Variants in NHSL1 observed in about 807,000 individuals in gnomAD.
The protein encoded by NHSL1 is NHS-like protein 1.
Under a neutral mutation model 95.0 loss-of-function variants are expected in NHSL1, and 48 were observed. The ratio of observed to expected loss-of-function variants is 0.51; its 90% CI spans 0.40 to 0.64. NHSL1 has a LOEUF of 0.64. Ranked by LOEUF, NHSL1 falls within the 30% of genes least tolerant of loss-of-function variation. The probability of loss-of-function intolerance (pLI) is 0.00; values close to 1 mark genes in which losing one functional copy is unlikely to be tolerated. For missense variants in NHSL1, 1,971 were observed against 2,077.7 expected (o/e 0.95, Z 1.00); for synonymous variants, 783 against 833.9 (o/e 0.94, Z 1.05).
chr6:138,544,231 T>C lies in NHSL1; in HGVS notation c.16+1392A>G, dbSNP rs572902346. 3.4e-4 allele frequency among the ~76,000 whole-genome samples: 52 copies of C among 152,280 alleles called. 1 individual carries two copies. Among genetic ancestry groups the C allele is most frequent in the African/African-American group, 1.2e-3 (50 of 41,556 alleles). On this transcript the variant is annotated intron_variant, in intron 1 of 4. Transcript: ENST00000342260. ...ATCCAATAATACCACTGACTCTTCATACCTAAACATTTTGTAGAACAATTT... is the reference window on the plus strand; with the variant it reads ...ATCCAATAATACCACTGACTCTTCACACCTAAACATTTTGTAGAACAATTT...
intron 1 of NHSL1, among the ~76,000 whole-genome samples, chr6:138,587,999 A>C (rs1784163176): frequency 6.6e-6 from 1 of 152,286 alleles, no homozygotes; most frequent in Non-Finnish European, 1.5e-5. Context: ...CAGAAAGGTC[A>C]TGTGCTAGTG....
intron 1 of NHSL1, among the ~76,000 whole-genome samples, chr6:138,678,956 C>T (rs2114780591): frequency 6.6e-6 from 1 of 152,314 alleles, no homozygotes; most frequent in South Asian, 2.1e-4. Context: ...TCATTTCACA[C>T]CTTCATCGCC....
chr6:138,641,360 A>T (rs1784957111), intron 1 of NHSL1, among the ~76,000 whole-genome samples: 1 of 152,238 alleles, frequency 6.6e-6, no homozygotes, highest in Admixed American at 6.5e-5. Flanking sequence ...TGTTGACTTA[A>T]GGCAGAGAAG....
At chr6:138,429,599 A>T (rs1296238451) in intron 7 of NHSL1, 112 bp downstream of exon 7, 1 of 914,956 alleles carries the variant, frequency 1.1e-6, no homozygotes, top group Non-Finnish European at 1.6e-6. Context: ...AAAGTTAAGG[A>T]GTTATGATTG....
chr6:138,627,745 G>A (rs564967000), intron 1 of NHSL1, among the ~76,000 whole-genome samples: 1 of 152,144 alleles, frequency 6.6e-6, no homozygotes, highest in Non-Finnish European at 1.5e-5. Flanking sequence ...GCTGGGCGTG[G>A]TGGCGGGCGC....
At chr6:138,434,303 G>A (rs908419100) in intron 5 of NHSL1, among the ~76,000 whole-genome samples, 16 of 152,012 alleles carry the variant, frequency 1.1e-4, no homozygotes, top group Admixed American at 3.9e-4. Context: ...ACAGCAATCT[G>A]TTGTGTTCTA....
At chr6:138,578,861 A>G (rs1429910655) in intron 1 of NHSL1, among the ~76,000 whole-genome samples, 2 of 152,190 alleles carry the variant, frequency 1.3e-5, no homozygotes, top group African/African-American at 4.8e-5. Flanking sequence ...GTGCTAGACT[A>G]TAATGCCCCT....
In NHSL1 at chr6:138,536,409, G is replaced by A. The variant is rs540616184; in HGVS notation, c.16+9214C>T. Among the ~76,000 whole-genome samples the A allele has an allele frequency of 2.6e-5, 4 of 152,154 alleles. No homozygotes were observed. In the South Asian group the frequency reaches 8.3e-4, roughly 32 times the overall value. Reference sequence around the variant, plus strand: ...GACACTGGATGTTTTAGCATTAAAAGTTCTCACTGGACACGGAAAAGCAGC... The same window carrying A: ...GACACTGGATGTTTTAGCATTAAAAATTCTCACTGGACACGGAAAAGCAGC... On this transcript the variant is annotated intron_variant, in intron 1 of 4. Coordinates refer to the NHSL1 transcript ENST00000342260.
At chr6:138,447,226 T>A (rs936589506) in intron 3 of NHSL1, 33 bp from the exon 4 acceptor site, 12 of 1,488,046 alleles carry the variant, frequency 8.1e-6, no homozygotes, top group African/African-American at 1.4e-5. Flanking sequence ...AGCCACAGTG[T>A]ATAAAGAGCT....
intron 1 of NHSL1, among the ~76,000 whole-genome samples, chr6:138,690,507 G>A (rs912130374): frequency 1.3e-5 from 2 of 152,044 alleles, no homozygotes; most frequent in Admixed American, 6.5e-5. Flanking sequence ...TTGGGAGGTC[G>A]AGGCAGGTGG....
chr6:138,684,754 T>C (rs1417899882), intron 1 of NHSL1, among the ~76,000 whole-genome samples: 3 of 152,182 alleles, frequency 2.0e-5, no homozygotes, highest in Non-Finnish European at 4.4e-5. Context: ...TTGCCCAAAG[T>C]GCAGCTGAAG....
chr6:138,567,141 G>T (rs1783650729), intron 1 of NHSL1, among the ~76,000 whole-genome samples: 1 of 151,714 alleles, frequency 6.6e-6, no homozygotes, highest in South Asian at 2.1e-4. Context: ...TGTTTGTTTG[G>T]TTTTGAGACC....
At chr6:138,446,047 T>G (rs1276118963) in intron 4 of NHSL1, among the ~76,000 whole-genome samples, 1 of 152,014 alleles carries the variant, frequency 6.6e-6, no homozygotes, top group Non-Finnish European at 1.5e-5. Flanking sequence ...TTTTTTTTTT[T>G]TTTTGAGGTG....
chr6:138,593,833 A>C (rs1438746286), intron 1 of NHSL1, among the ~76,000 whole-genome samples: 1 of 152,256 alleles, frequency 6.6e-6, no homozygotes, highest in African/African-American at 2.4e-5. Flanking sequence ...TTGTTAATTC[A>C]GTCCAACTTC....
At chr6:138,678,591 G>A (rs1243388604) in intron 1 of NHSL1, among the ~76,000 whole-genome samples, 3 of 152,200 alleles carry the variant, frequency 2.0e-5, no homozygotes, top group Admixed American at 1.3e-4. Flanking sequence ...AAATTATGCA[G>A]ATGAAGTATT....
At chr6:138,565,943 T>TAAA (rs5880386) in intron 1 of NHSL1, among the ~76,000 whole-genome samples, 4 of 133,362 alleles carry the variant, frequency 3.0e-5, no homozygotes, top group South Asian at 2.4e-4. Flanking sequence ...ACCCTGTTTC[T>TAAA]AAAAAAAAAA....
At position 138,423,105 on chromosome 6, in the gene NHSL1, A is replaced by AC. The variant is rs1775017884; in HGVS notation, c.*975_*976insG. 2 of 151,596 alleles carry AC rather than the reference A, an allele frequency of 1.3e-5. No individual in the cohort carries two copies. Among genetic ancestry groups the AC allele is most frequent in the Admixed American group, 1.3e-4 (2 of 15,240 alleles). The allele number at this position is 151,596 out of a possible 1,614,324, so 9.4% of individuals were successfully genotyped here. ...GTTTAAACTCTGGTTAAAAAAAAAA[A>AC]AAAAAAAAAACTGTTGTAAAAGGAA... On this transcript the variant is annotated 3_prime_UTR_variant, in exon 8 of 8. Transcript: ENST00000343505.
At chr6:138,605,959 C>T (rs1459470301) in intron 1 of NHSL1, among the ~76,000 whole-genome samples, 1 of 152,228 alleles carries the variant, frequency 6.6e-6, no homozygotes. Flanking sequence ...GAACAGCTCA[C>T]TTAACTTCTC....
At chr6:138,664,886 G>T (rs1164436351) in intron 1 of NHSL1, among the ~76,000 whole-genome samples, 1 of 152,194 alleles carries the variant, frequency 6.6e-6, no homozygotes, top group Non-Finnish European at 1.5e-5. Context: ...CTGGGGTCAG[G>T]GTGTGGGGAA....
Sources: allele counts gnomAD v4.1 joint callset (sites outside exome capture counted in the v4.1 genomes callset), GRCh38; gene constraint gnomAD v4.1.1; transcripts MANE v1.5; gene names NCBI Gene and HGNC (gene_info 2026-07-23, HGNC 2026-07-21).